CYP11A1: variants seen among roughly 807,000 people sequenced by gnomAD.
The protein encoded by CYP11A1 is cholesterol side-chain cleavage enzyme, mitochondrial.
A neutral mutation model predicts 51.9 loss-of-function variants in CYP11A1; 25 were observed. The observed-to-expected ratio is 0.48, with a 90% CI of 0.35 to 0.67. The LOEUF (loss-of-function observed/expected upper bound fraction) is 0.67. Among genes scored for constraint, CYP11A1 ranks in the 30% least tolerant of loss-of-function variants. The pLI is 0.00. For synonymous variants in CYP11A1, 245 were observed against 262.1 expected (o/e 0.93, Z 0.63); for missense variants, 578 against 680.9 (o/e 0.85, Z 1.68).
At chr15:74,361,178 A>G (rs1012632260) in intron 1 of CYP11A1, among the ~76,000 whole-genome samples, 1 of 152,244 alleles carries the variant, frequency 6.6e-6, no homozygotes, top group African/African-American at 2.4e-5. Context: ...GAAAACATCC[A>G]GAAAAGAGGT....
At chr15:74,347,063 C>A (rs958490920) in intron 2 of CYP11A1, among the ~76,000 whole-genome samples, 1 of 152,042 alleles carries the variant, frequency 6.6e-6, no homozygotes, top group Non-Finnish European at 1.5e-5. Flanking sequence ...GCCTTGGCCT[C>A]CCAAAGTGCT....
intron 1 of CYP11A1, among the ~76,000 whole-genome samples, chr15:74,365,171 C>A (rs2060726365): frequency 6.6e-6 from 1 of 152,124 alleles, no homozygotes; most frequent in Admixed American, 6.5e-5. Flanking sequence ...CCCAACCACC[C>A]CTGCGCCACC....
chr15:74,343,784 C>T lies in CYP11A1; in HGVS notation c.829+5G>A, dbSNP rs1323515269. The stretch of plus-strand genomic sequence containing the variant: ...GGAGGAGAGCACAGCCAGAGAAGCC[C>T]TCACCTTTACTGAAAATCACGTCCC... On this transcript the variant is annotated splice_donor_5th_base_variant and intron_variant, in intron 4 of 8. Coordinates refer to ENST00000268053, the MANE Select transcript of CYP11A1 (RefSeq NM_000781.3). 1.9e-6 allele frequency: 3 copies of T among 1,611,818 alleles called. No individual in the cohort carries two copies. Among genetic ancestry groups the T allele is most frequent in the Non-Finnish European group, 8.5e-7 (1 of 1,179,514 alleles).
At chr15:74,361,514 A>T in intron 1 of CYP11A1, 2 of 591,780 alleles carry the variant, frequency 3.4e-6, no homozygotes, top group East Asian at 7.0e-5. Context: ...CGCTTTGCAG[A>T]TGCCGTCACT....
rs2141235297 is a variant in CYP11A1, at chr15:74,345,147, C to T, written c.522G>A (p.Val174=). 6.2e-7 allele frequency: 1 copy of T among 1,614,226 alleles called. No individual in the cohort carries two copies. Among genetic ancestry groups the T allele is most frequent in the Non-Finnish European group, 8.5e-7 (1 of 1,180,044 alleles). ...TKNFLPLLDA[V]SRDFVSVLHR... is the part of the protein sequence containing the mutation. ...GCAGGACACTGACGAAGTCCCGAGA[C>T]ACTGCATCCAACAGGGGCAAAAAGT... Residue 174 remains valine, a synonymous_variant, in exon 3 of 9, where the codon GTG becomes GTA. Transcript: ENST00000268053. The surrounding 1 kb of genome is among the most constrained non-coding windows in gnomAD (Gnocchi z 4.3).
At chr15:74,343,456 C>T (rs572040199) in intron 4 of CYP11A1, among the ~76,000 whole-genome samples, 30 of 152,172 alleles carry the variant, frequency 2.0e-4, no homozygotes, top group Non-Finnish European at 2.9e-4. Context: ...CTTCTCCACC[C>T]AACCTTCCCC....
intron 1 of CYP11A1, among the ~76,000 whole-genome samples, chr15:74,354,259 C>G (rs1309891831): frequency 6.6e-6 from 1 of 152,166 alleles, no homozygotes; most frequent in East Asian, 1.9e-4. Flanking sequence ...CCTGTTCCTG[C>G]CTTAACTGAT....
chr15:74,361,732 T>C (rs560234069), intron 1 of CYP11A1: 3 of 1,263,668 alleles, frequency 2.4e-6, no homozygotes, highest in Non-Finnish European at 3.5e-6. Flanking sequence ...CCAGGATTTA[T>C]GTGTCAGGGT....
chr15:74,339,193 C>G (rs890033896), intron 7 of CYP11A1, 44 bp downstream of exon 7: 3 of 1,530,924 alleles, frequency 2.0e-6, no homozygotes, highest in Non-Finnish European at 2.7e-6. Context: ...CCTGCCCCAG[C>G]CCTCTCTGAC....
At position 74,339,300 on chromosome 15, in the gene CYP11A1, G is replaced by A. The variant is rs751829411; in HGVS notation, c.1173C>T (p.Ser391=). The A allele has an allele frequency of 5.6e-5, 91 of 1,614,174 alleles. No individual in the cohort carries two copies. The highest frequency in any genetic ancestry group is 7.5e-5 in the Non-Finnish European group (88 of 1,179,982). Residue 391 remains serine (S), a synonymous_variant, in exon 7 of 9, where the codon TCC becomes TCT. Coordinates refer to ENST00000268053, the MANE Select transcript of CYP11A1 (RefSeq NM_000781.3). ...TTACAAGATATCTCTGCAGGGTCACGGAGATGGGGTGAAGTCTGCGGGAGG... is the reference window on the plus strand; with the variant it reads ...TTACAAGATATCTCTGCAGGGTCACAGAGATGGGGTGAAGTCTGCGGGAGG... ...IKETLRLHPI[S]VTLQRYLVND... is the part of the protein sequence containing the mutation.
At chr15:74,346,016 A>G (rs1407671803) in intron 2 of CYP11A1, among the ~76,000 whole-genome samples, 3 of 152,146 alleles carry the variant, frequency 2.0e-5, no homozygotes, top group African/African-American at 7.2e-5. Context: ...ATTTATTCCC[A>G]AAAGGTACTA....
At chr15:74,365,337 T>A in intron 1 of CYP11A1, 1 of 144,840 alleles carries the variant, frequency 6.9e-6, no homozygotes, top group Non-Finnish European at 1.5e-5. Flanking sequence ...AGGCCTTTCC[T>A]CCTAGCAGGA....
At chr15:74,339,148 A>G (rs2060593776) in intron 7 of CYP11A1, 89 bp downstream of exon 7, 3 of 1,087,156 alleles carry the variant, frequency 2.8e-6, no homozygotes, top group Non-Finnish European at 4.3e-6. Context: ...GGGCCCCACC[A>G]GGGCCCCAGT....
At chr15:74,355,581 C>T (rs1299006863) in intron 1 of CYP11A1, among the ~76,000 whole-genome samples, 1 of 152,152 alleles carries the variant, frequency 6.6e-6, no homozygotes, top group Non-Finnish European at 1.5e-5. Context: ...ACTCCCCAGC[C>T]AGGCTGAATC....
At chr15:74,350,406 C>T (rs1401458395) in intron 1 of CYP11A1, among the ~76,000 whole-genome samples, 1 of 152,326 alleles carries the variant, frequency 6.6e-6, no homozygotes, top group East Asian at 1.9e-4. Context: ...ATTCCAGTTC[C>T]TGCCCTGGCT....
chr15:74,353,374 T>C (rs554986894), intron 1 of CYP11A1, among the ~76,000 whole-genome samples: 3 of 152,352 alleles, frequency 2.0e-5, no homozygotes, highest in East Asian at 3.9e-4. Context: ...GTAAGAAGTA[T>C]TGTAAAAATG....
intron 1 of CYP11A1, among the ~76,000 whole-genome samples, chr15:74,348,594 T>A (rs2060642367): frequency 6.6e-6 from 1 of 152,186 alleles, no homozygotes; most frequent in Non-Finnish European, 1.5e-5. Flanking sequence ...ACCCTGACCC[T>A]AAGAGTCAGA....
intron 1 of CYP11A1, among the ~76,000 whole-genome samples, chr15:74,348,809 T>C (rs1399203576): frequency 2.0e-5 from 3 of 152,182 alleles, no homozygotes; most frequent in Non-Finnish European, 2.9e-5. Context: ...CACGGCTCAC[T>C]GCAGCCCTGA....
intron 1 of CYP11A1, chr15:74,362,403 G>A (rs2141246131): frequency 1.0e-5 from 2 of 192,792 alleles, no homozygotes; most frequent in South Asian, 2.1e-4. Flanking sequence ...CCATGCAAGA[G>A]GGCTGATGTT....
Sources: gnomAD v4.1 joint callset for allele counts (sites outside exome capture counted in the v4.1 genomes callset) on GRCh38, gnomAD v4.1.1 for gene constraint, Gnocchi (gnomAD v3.1) non-coding constraint, MANE v1.5 for transcripts, NCBI Gene and HGNC (gene_info 2026-07-23, HGNC 2026-07-21) for gene names.